Variants in MGAT4A observed in about 807,000 individuals in gnomAD.
The protein encoded by MGAT4A is alpha-1,3-mannosyl-glycoprotein 4-beta-N-acetylglucosaminyltransferase A, also known as N-acetylglucosaminyltransferase IVa.
In MGAT4A, 33 loss-of-function variants were observed where a neutral mutation model predicts 74.1. The ratio of observed to expected loss-of-function variants is 0.45; its 90% CI spans 0.34 to 0.60. MGAT4A has a LOEUF of 0.60. Among genes scored for constraint, MGAT4A ranks in the 20% least tolerant of loss-of-function variants. The probability of loss-of-function intolerance (pLI) is 0.02; values close to 1 mark genes in which losing one functional copy is unlikely to be tolerated. For missense variants in MGAT4A, 479 were observed against 628.3 expected, an observed-to-expected ratio of 0.76 and a Z score of 2.54; for synonymous variants, 198 against 210.4, an observed-to-expected ratio of 0.94 and a Z score of 0.51.
intron 1 of MGAT4A, among the ~76,000 whole-genome samples, chr2:98,729,353 G>A (rs1338056505): frequency 3.9e-5 from 6 of 152,172 alleles, no homozygotes; most frequent in African/African-American, 1.4e-4. Context: ...CACAAGTGAA[G>A]AAACTCTTCG....
chr2:98,678,923 A>T (rs1702016478), intron 2 of MGAT4A, among the ~76,000 whole-genome samples: 1 of 152,182 alleles, frequency 6.6e-6, no homozygotes, highest in Admixed American at 6.5e-5. Context: ...TTTATAGCAT[A>T]ATCATTAATT....
intron 5 of MGAT4A, among the ~76,000 whole-genome samples, chr2:98,662,496 C>G (rs1701766688): frequency 6.6e-6 from 1 of 152,112 alleles, no homozygotes; most frequent in African/African-American, 2.4e-5. Flanking sequence ...AGACCATGTC[C>G]TAAATCCTTT....
chr2:98,719,526 T>C (rs889376816), intron 2 of MGAT4A, among the ~76,000 whole-genome samples: 16 of 152,070 alleles, frequency 1.1e-4, no homozygotes, highest in Non-Finnish European at 5.9e-5. Context: ...AATAAAAAAA[T>C]TATGAGATGT....
At chr2:98,701,055 C>A (rs963796322) in intron 2 of MGAT4A, among the ~76,000 whole-genome samples, 2 of 152,138 alleles carry the variant, frequency 1.3e-5, no homozygotes, top group Non-Finnish European at 1.5e-5. Flanking sequence ...TCTGCTATTT[C>A]TTATGAGAGT....
At position 98,731,096 on chromosome 2, in the gene MGAT4A, AGCCGCCGCC is replaced by A. The variant is rs1206270683; in HGVS notation, c.-293_-285del. The A allele has an allele frequency of 4.4e-5, 5 of 114,832 alleles. No homozygotes were observed. Among genetic ancestry groups the A allele is most frequent in the African/African-American group, 1.6e-4 (4 of 25,578 alleles). 7.1% of individuals were successfully genotyped at this position (114,832 alleles called of 1,614,324 possible). A position where few individuals can be genotyped will look rare whatever the true frequency, so the allele number is the denominator to read the frequency against. ...CCGCGGCTGCCGGCGGAGCTGCTGT[AGCCGCCGCC>A]GCCGCTGCCGCCGCCGCTGCGGGCC... is the stretch of plus-strand genomic sequence containing the variant. On this transcript the variant is annotated 5_prime_UTR_variant, in exon 1 of 16. Coordinates refer to ENST00000393487, the MANE Select transcript of MGAT4A (RefSeq NM_012214.3). The surrounding 1 kb of genome is among the most constrained non-coding windows in gnomAD (Gnocchi z 4.8).
At chr2:98,634,658 T>C (rs1020802929) in intron 14 of MGAT4A, among the ~76,000 whole-genome samples, 1 of 150,646 alleles carries the variant, frequency 6.6e-6, no homozygotes, top group Non-Finnish European at 1.5e-5. Context: ...GACTTTCAGA[T>C]GAAAAACCGA....
intron 2 of MGAT4A, among the ~76,000 whole-genome samples, chr2:98,700,881 G>C (rs1227601326): frequency 1.4e-5 from 2 of 142,816 alleles, no homozygotes; most frequent in East Asian, 4.0e-4. Flanking sequence ...ACAAGAGTAA[G>C]ACTCTGTCTC....
Position 98,639,927 on chromosome 2 carries a change from C to A in MGAT4A, c.1203G>T (p.Lys401Asn). 4 of 1,614,040 alleles carry A rather than the reference C, an allele frequency of 2.5e-6. No homozygotes were observed. The South Asian group carries it at 4.4e-5, about 18-fold the overall frequency. ...NPPAEVSTSLKVYQGHTLEKT... is the reference protein window; with the variant it reads ...NPPAEVSTSLNVYQGHTLEKT... ...TCTCCAGCGTATGCCCTTGGTAGAC[C>A]TTCAAGGAAGTAGATACCTCCGCAG... Residue 401 changes from lysine (K) to asparagine (N), a missense_variant, in exon 12 of 16, where the codon AAG (lysine) becomes AAT (asparagine). Around this residue, in one of 3 missense-constraint regions of MGAT4A, gnomAD observed 236 missense variants for 308.2 expected, o/e 0.77. Coordinates refer to ENST00000393487, the MANE Select transcript of MGAT4A (RefSeq NM_012214.3).
intron 4 of MGAT4A, among the ~76,000 whole-genome samples, chr2:98,667,523 T>A (rs1034621036): frequency 5.3e-5 from 8 of 152,020 alleles, no homozygotes; most frequent in Non-Finnish European, 1.0e-4. Flanking sequence ...GGCACTGGAG[T>A]AAAGGTGATT....
At chr2:98,721,544 A>C (rs1212223517) in intron 2 of MGAT4A, among the ~76,000 whole-genome samples, 1 of 152,218 alleles carries the variant, frequency 6.6e-6, no homozygotes, top group Non-Finnish European at 1.5e-5. Flanking sequence ...TAATGGGCTA[A>C]GGAAATAATA....
intron 8 of MGAT4A, among the ~76,000 whole-genome samples, chr2:98,650,452 G>T (rs76617154): frequency 0.013 from 2,013 of 152,246 alleles, 16 homozygotes; most frequent in Non-Finnish European, 0.022. Flanking sequence ...TAATGAAGTT[G>T]TCAAAAGTCA....
At chr2:98,673,964 T>C (rs1293749669) in intron 4 of MGAT4A, among the ~76,000 whole-genome samples, 1 of 152,208 alleles carries the variant, frequency 6.6e-6, no homozygotes, top group Non-Finnish European at 1.5e-5. Context: ...CTGGCTTCAA[T>C]AAATATTTTT....
chr2:98,627,816 C>A (rs1404649319), intron 14 of MGAT4A, among the ~76,000 whole-genome samples: 3 of 152,186 alleles, frequency 2.0e-5, no homozygotes, highest in Non-Finnish European at 4.4e-5. Context: ...TGTGGCAGGG[C>A]AAGTCAGGAT....
intron 14 of MGAT4A, among the ~76,000 whole-genome samples, chr2:98,629,581 C>T (rs1465524010): frequency 7.2e-5 from 11 of 152,122 alleles, no homozygotes; most frequent in Admixed American, 7.2e-4. Flanking sequence ...TTCATCAAAA[C>T]ACTCTTGCCC....
chr2:98,637,977 C>T (rs1362057981), intron 12 of MGAT4A, among the ~76,000 whole-genome samples: 1 of 152,176 alleles, frequency 6.6e-6, no homozygotes, highest in Non-Finnish European at 1.5e-5. Flanking sequence ...TCTTGATATA[C>T]TGTGTCAAAA....
chr2:98,723,823 T>C (rs1702721354), intron 2 of MGAT4A, among the ~76,000 whole-genome samples: 1 of 152,216 alleles, frequency 6.6e-6, no homozygotes, highest in Non-Finnish European at 1.5e-5. Context: ...CTGCTTCTGC[T>C]TTTCTGAGCA....
Position 98,667,214 on chromosome 2 carries a change from G to T in MGAT4A, c.404-4035C>A, listed in dbSNP as rs181948249. Among the ~76,000 whole-genome samples the T allele has an allele frequency of 4.4e-3, 674 of 152,242 alleles. 5 individuals carry two copies. The highest frequency in any genetic ancestry group is 0.016 in the African/African-American group (644 of 41,548). ...AAGTCCAATTAAACCTCTTTCTTTTGTAAATTGCCCAGTCTCAGGTATGTC... is the reference window on the plus strand; with the variant it reads ...AAGTCCAATTAAACCTCTTTCTTTTTTAAATTGCCCAGTCTCAGGTATGTC... On this transcript the variant is annotated intron_variant, in intron 4 of 15. Coordinates refer to ENST00000393487, the MANE Select transcript of MGAT4A (RefSeq NM_012214.3).
chr2:98,635,166 G>A, intron 14 of MGAT4A, 56 bp downstream of exon 14: 1 of 1,329,580 alleles, frequency 7.5e-7, no homozygotes, highest in South Asian at 1.3e-5. Context: ...GAACTGAAAA[G>A]TACTTTAGGA....
intron 14 of MGAT4A, among the ~76,000 whole-genome samples, chr2:98,630,085 AGAT>A (rs1281820739): frequency 1.3e-5 from 2 of 152,196 alleles, no homozygotes; most frequent in African/African-American, 4.8e-5. Context: ...AAAAAGTTGA[AGAT>A]AATGCAGTTG....
Sources: gnomAD v4.1 joint callset for allele counts (sites outside exome capture counted in the v4.1 genomes callset) on GRCh38, gnomAD v4.1.1 for gene constraint, gnomAD v4.1.1 regional missense constraint, Gnocchi (gnomAD v3.1) non-coding constraint, MANE v1.5 for transcripts, NCBI Gene and HGNC (gene_info 2026-07-23, HGNC 2026-07-21) for gene names.